MARCHF8: variants seen among roughly 807,000 people sequenced by gnomAD.
The protein encoded by MARCHF8 is E3 ubiquitin-protein ligase MARCHF8.
MARCHF8 carries 40 observed loss-of-function variants against 51.6 expected under a neutral mutation model. The observed-to-expected ratio is 0.77, with a 90% CI of 0.60 to 1.01. MARCHF8 has a LOEUF of 1.01. Among genes scored for constraint, MARCHF8 ranks in the 50% least tolerant of loss-of-function variants. MARCHF8 has a pLI of 0.00. For missense variants in MARCHF8, 685 were observed against 708.6 expected (o/e 0.97, Z 0.38); for synonymous variants, 263 against 280.3 (o/e 0.94, Z 0.62).
intron 2 of MARCHF8, among the ~76,000 whole-genome samples, chr10:45,494,216 C>A (rs373690817): frequency 8.5e-5 from 13 of 152,348 alleles, no homozygotes; most frequent in Middle Eastern, 3.4e-3. Flanking sequence ...ATGTTTTTCA[C>A]AAGTCCACAT....
At position 45,463,992 on chromosome 10, in the gene MARCHF8, T is replaced by C; in HGVS notation, c.247A>G (p.Ser83Gly). 6.5e-7 allele frequency: 1 copy of C among 1,533,924 alleles called. No individual in the cohort carries two copies. Among genetic ancestry groups the C allele is most frequent in the Non-Finnish European group, 8.7e-7 (1 of 1,145,944 alleles). The change falls in exon 5 of 8, where the codon AGT becomes GGT. Residue 83 changes from serine to glycine, a missense_variant. Coordinates refer to ENST00000453424, the MANE Select transcript of MARCHF8 (RefSeq NM_001282866.2). Reference protein sequence around the residue: ...TPSSQDICSSSAVFSECCHHS... With the variant: ...TPSSQDICSSGAVFSECCHHS... ...TGACAACACTCAGAAAACACTGCAC[T>C]GGAACTGCATGCAGAACAGTGGGAT...
intron 1 of MARCHF8, among the ~76,000 whole-genome samples, chr10:45,578,125 A>C (rs1224193262): frequency 6.6e-6 from 1 of 152,240 alleles, no homozygotes; most frequent in African/African-American, 2.4e-5. Context: ...CCTAGAAATA[A>C]TGACACATCA....
At chr10:45,568,151 C>T (rs1564518904) in intron 1 of MARCHF8, among the ~76,000 whole-genome samples, 1 of 152,150 alleles carries the variant, frequency 6.6e-6, no homozygotes, top group Non-Finnish European at 1.5e-5. Flanking sequence ...CTGAATTTAC[C>T]AGTTCTAATA....
At chr10:45,481,755 C>G (rs764434942) in intron 3 of MARCHF8, among the ~76,000 whole-genome samples, 1 of 152,148 alleles carries the variant, frequency 6.6e-6, no homozygotes, top group African/African-American at 2.4e-5. Context: ...TTATCAGCAG[C>G]ATGAAAACAG....
intron 1 of MARCHF8, among the ~76,000 whole-genome samples, chr10:45,544,248 T>G (rs901355418): frequency 1.3e-5 from 2 of 152,186 alleles, no homozygotes; most frequent in African/African-American, 4.8e-5. Context: ...TAGAAAAAAT[T>G]AGATCTCTCA....
chr10:45,584,387 T>C (rs1173802112), intron 1 of MARCHF8, among the ~76,000 whole-genome samples: 4 of 151,674 alleles, frequency 2.6e-5, no homozygotes, highest in African/African-American at 7.3e-5. Context: ...AGCAACAAAA[T>C]AAAACTATCT....
Position 45,520,160 on chromosome 10 carries a change from G to T in MARCHF8, c.102+12950C>A, listed in dbSNP as rs1345996778. Among the ~76,000 whole-genome samples, 5 of 152,148 alleles carry T rather than the reference G, an allele frequency of 3.3e-5. No homozygotes were observed. The East Asian group carries it at 5.8e-4, about 18-fold the overall frequency. On this transcript the variant is annotated intron_variant, in intron 2 of 7. Coordinates refer to ENST00000453424, the MANE Select transcript of MARCHF8 (RefSeq NM_001282866.2). Reference sequence around the variant, plus strand: ...ACAACAGTAATGCCTACTTCAAAGGGTTGCTGTAAGGATTCAATTTAGTGA... The same window carrying T: ...ACAACAGTAATGCCTACTTCAAAGGTTTGCTGTAAGGATTCAATTTAGTGA...
chr10:45,575,233 C>A (rs2044476255), intron 1 of MARCHF8, among the ~76,000 whole-genome samples: 1 of 152,152 alleles, frequency 6.6e-6, no homozygotes, highest in African/African-American at 2.4e-5. Flanking sequence ...AGCCAGCGTT[C>A]CAACTTCTAT....
At position 45,573,752 on chromosome 10, in the gene MARCHF8, T is replaced by C. The variant is rs117701914; in HGVS notation, c.-79+20483A>G. The stretch of plus-strand genomic sequence containing the variant: ...TTTAGGTAACTCTTAAAGTGGAGGG[T>C]AAGTCCATCCCCTTCTTAATCAATA... On this transcript the variant is annotated intron_variant, in intron 1 of 6. Coordinates refer to the MARCHF8 transcript ENST00000319836. Among the ~76,000 whole-genome samples, 576 of 152,228 alleles carry C rather than the reference T, an allele frequency of 3.8e-3. 12 individuals are homozygous for C. In the East Asian group the frequency reaches 0.053, roughly 14 times the overall value.
chr10:45,497,135 C>T (rs1476186031), intron 2 of MARCHF8, among the ~76,000 whole-genome samples: 1 of 151,836 alleles, frequency 6.6e-6, no homozygotes, highest in Non-Finnish European at 1.5e-5. Context: ...AGATACATAG[C>T]ACAAAAACAA....
At chr10:45,580,177 G>A (rs940154257) in intron 1 of MARCHF8, among the ~76,000 whole-genome samples, 11 of 151,844 alleles carry the variant, frequency 7.2e-5, no homozygotes, top group African/African-American at 2.4e-4. Flanking sequence ...AAATCATTAC[G>A]TAAACAACTT....
chr10:45,508,659 T>C (rs1424496352), intron 2 of MARCHF8, among the ~76,000 whole-genome samples: 6 of 152,216 alleles, frequency 3.9e-5, no homozygotes, highest in Admixed American at 6.5e-5. Context: ...CCAGACTTAC[T>C]AGATCTTTTC....
At chr10:45,493,496 A>C (rs1282224105) in intron 2 of MARCHF8, among the ~76,000 whole-genome samples, 1 of 152,174 alleles carries the variant, frequency 6.6e-6, no homozygotes, top group Non-Finnish European at 1.5e-5. Flanking sequence ...GGCTCTTTTC[A>C]TCTACATTCA....
intron 1 of MARCHF8, among the ~76,000 whole-genome samples, chr10:45,591,612 T>C (rs979798066): frequency 1.3e-5 from 2 of 152,196 alleles, no homozygotes; most frequent in South Asian, 2.1e-4. Flanking sequence ...TACATACTCT[T>C]ATATGCGTGA....
At chr10:45,504,465 A>G (rs2043343089) in intron 2 of MARCHF8, among the ~76,000 whole-genome samples, 1 of 152,184 alleles carries the variant, frequency 6.6e-6, no homozygotes, top group South Asian at 2.1e-4. Flanking sequence ...AAGATCCAAA[A>G]AATAACCTAT....
chr10:45,468,034 C>T (rs1194358133), intron 3 of MARCHF8, among the ~76,000 whole-genome samples: 2 of 151,962 alleles, frequency 1.3e-5, no homozygotes, highest in Non-Finnish European at 2.9e-5. Flanking sequence ...TTAATTATGC[C>T]AAAACAAACC....
chr10:45,584,011 A>AG, intron 1 of MARCHF8, among the ~76,000 whole-genome samples: 1 of 137,112 alleles, frequency 7.3e-6, no homozygotes, highest in Non-Finnish European at 1.7e-5. Flanking sequence ...ATTTCCAAAA[A>AG]AAAAAAAAAA....
chr10:45,542,630 A>C (rs2044069085), intron 1 of MARCHF8, among the ~76,000 whole-genome samples: 1 of 152,154 alleles, frequency 6.6e-6, no homozygotes, highest in Non-Finnish European at 1.5e-5. Context: ...AAGAGTTTTG[A>C]ATAAGAGAGT....
rs549972009 is a variant in MARCHF8 at position 45,485,936 on chromosome 10, T to C, written c.153+3431A>G. ...GATTTTACATGTCACGGCCTAAAAC[T>C]GGCTTCAAACAGCAGGTTCATTTAA... On this transcript the variant is annotated intron_variant, in intron 3 of 7. Coordinates refer to ENST00000453424, the MANE Select transcript of MARCHF8 (RefSeq NM_001282866.2). Among the ~76,000 whole-genome samples the C allele has an allele frequency of 2.6e-5, 4 of 152,282 alleles. No homozygotes were observed. In the South Asian group the frequency reaches 8.3e-4, roughly 32 times the overall value.
Sources: allele counts gnomAD v4.1 joint callset (sites outside exome capture counted in the v4.1 genomes callset), GRCh38; gene constraint gnomAD v4.1.1; transcripts MANE v1.5; gene names NCBI Gene and HGNC (gene_info 2026-07-23, HGNC 2026-07-21).